Variants in CYFIP2 observed in about 807,000 individuals in gnomAD.
CYFIP2 encodes the protein cytoplasmic FMR1-interacting protein 2.
In CYFIP2, 29 loss-of-function variants were observed where a neutral mutation model predicts 158.7. That is an observed-to-expected ratio of 0.18 (90% CI 0.14 to 0.25). The LOEUF (loss-of-function observed/expected upper bound fraction) is 0.25. Among genes scored for constraint, CYFIP2 ranks in the 10% least tolerant of loss-of-function variants. CYFIP2 has a pLI of 1.00. For missense variants in CYFIP2, 852 were observed against 1,639.5 expected (o/e 0.52, Z 8.29); for synonymous variants, 585 against 617.6 (o/e 0.95, Z 0.78).
rs555765528 is a variant in CYFIP2 at position 157,376,686 on chromosome 5, T to G, written c.3040-5904T>G. ...CTTTGTGCTGTTTTTCTCTTGGGTC[T>G]CATATAGTCAGAGGAACTGAAGTCT... On this transcript the variant is annotated intron_variant, in intron 26 of 30. Coordinates refer to ENST00000620254, the MANE Select transcript of CYFIP2 (RefSeq NM_001037333.3). 2.9e-5 allele frequency: 6 copies of G among 205,078 alleles called. No homozygotes were observed. In the South Asian group the frequency reaches 3.8e-4, roughly 13 times the overall value. 12.7% of individuals were successfully genotyped at this position (205,078 alleles called of 1,614,324 possible). A position where few individuals can be genotyped will look rare whatever the true frequency, so the allele number is the denominator to read the frequency against.
chr5:157,291,579 A>G (rs1449848755), intron 3 of CYFIP2, among the ~76,000 whole-genome samples: 1 of 152,258 alleles, frequency 6.6e-6, no homozygotes, highest in African/African-American at 2.4e-5. Flanking sequence ...TGCTACAAGT[A>G]GACACGTGTT....
chr5:157,330,328 G>C (rs546897369), intron 19 of CYFIP2, among the ~76,000 whole-genome samples: 1 of 151,682 alleles, frequency 6.6e-6, no homozygotes, highest in Non-Finnish European at 1.5e-5. Context: ...CTATGCAACT[G>C]TTACCTATTA....
intron 15 of CYFIP2, among the ~76,000 whole-genome samples, chr5:157,322,635 G>C (rs1760691887): frequency 6.6e-6 from 1 of 152,202 alleles, no homozygotes; most frequent in South Asian, 2.1e-4. Flanking sequence ...GGCCACTGTG[G>C]CTGCTTTCCC....
intron 21 of CYFIP2, among the ~76,000 whole-genome samples, chr5:157,337,354 C>A (rs1280182497): frequency 6.6e-6 from 1 of 152,178 alleles, no homozygotes; most frequent in Non-Finnish European, 1.5e-5. Context: ...ACTAATCCCC[C>A]ACTCCAACAT....
chr5:157,319,498 A>G (rs1443149214), intron 13 of CYFIP2, among the ~76,000 whole-genome samples: 1 of 152,182 alleles, frequency 6.6e-6, no homozygotes, highest in East Asian at 1.9e-4. Context: ...GAGGATGAAA[A>G]TCAGTTGCAT....
Position 157,330,731 on chromosome 5 carries a change from A to G in CYFIP2, c.2157-11A>G, listed in dbSNP as rs73815838. On this transcript the variant is annotated splice_polypyrimidine_tract_variant and intron_variant, in intron 19 of 30. Transcript: ENST00000620254. Reference sequence around the variant, plus strand: ...TGTTTACTGGCCTTGTTTCACTTTTATTCCTTGCAGTGTCCTGTTGGATAA... The same window carrying G: ...TGTTTACTGGCCTTGTTTCACTTTTGTTCCTTGCAGTGTCCTGTTGGATAA... The G allele has an allele frequency of 3.0e-4, 479 of 1,611,770 alleles. No homozygotes were observed. In the African/African-American group the frequency reaches 5.5e-3, roughly 18 times the overall value.
At chr5:157,390,499 T>C in intron 29 of CYFIP2, 22 bp from the exon 30 acceptor site, 2 of 1,368,404 alleles carry the variant, frequency 1.5e-6, no homozygotes, top group Non-Finnish European at 2.0e-6. Context: ...TCACTCCAGC[T>C]GCTTCCTCCC....
intron 23 of CYFIP2, among the ~76,000 whole-genome samples, chr5:157,356,419 A>G (rs2113339796): frequency 6.6e-6 from 1 of 152,336 alleles, no homozygotes; most frequent in East Asian, 1.9e-4. Context: ...TTTGTTCGTG[A>G]TTAAGATTCC....
intron 3 of CYFIP2, among the ~76,000 whole-genome samples, chr5:157,289,657 G>A (rs1345603655): frequency 6.6e-6 from 1 of 152,056 alleles, no homozygotes; most frequent in East Asian, 1.9e-4. Flanking sequence ...TTAGATCAGG[G>A]CCCTCTCTAA....
chr5:157,345,856 G>C (rs1170159542), intron 23 of CYFIP2: 1 of 152,328 alleles, frequency 6.6e-6, no homozygotes, highest in Admixed American at 6.5e-5. Flanking sequence ...CTGGTCCCCA[G>C]TGCAGTACTA....
chr5:157,371,896 C>A (rs1765026474), intron 26 of CYFIP2, among the ~76,000 whole-genome samples: 1 of 152,174 alleles, frequency 6.6e-6, no homozygotes, highest in Non-Finnish European at 1.5e-5. Flanking sequence ...TTCTTAATCA[C>A]CTAATGATTA....
chr5:157,332,428 T>C (rs1363342639), intron 20 of CYFIP2, among the ~76,000 whole-genome samples: 1 of 152,212 alleles, frequency 6.6e-6, no homozygotes, highest in East Asian at 1.9e-4. Flanking sequence ...AGAGTTTAAG[T>C]TGCCAAATCA....
At chr5:157,270,973 C>G (rs1756042311) in intron 1 of CYFIP2, among the ~76,000 whole-genome samples, 1 of 152,056 alleles carries the variant, frequency 6.6e-6, no homozygotes, top group African/African-American at 2.4e-5. Context: ...TCTTAGCAAT[C>G]CAAAGAATTA....
intron 26 of CYFIP2, among the ~76,000 whole-genome samples, chr5:157,379,347 C>T (rs965677777): frequency 5.3e-5 from 8 of 151,966 alleles, no homozygotes; most frequent in African/African-American, 1.9e-4. Flanking sequence ...GAGGAAATTA[C>T]CCCATAAATT....
At chr5:157,381,113 G>A (rs1240245702) in intron 26 of CYFIP2, among the ~76,000 whole-genome samples, 4 of 151,854 alleles carry the variant, frequency 2.6e-5, no homozygotes, top group African/African-American at 4.8e-5. Context: ...GAAATAATAC[G>A]GACCTATATA....
intron 15 of CYFIP2, 84 bp downstream of exon 15, chr5:157,320,886 G>T (rs953898066): frequency 1.3e-5 from 18 of 1,428,654 alleles, no homozygotes; most frequent in Non-Finnish European, 1.7e-5. Flanking sequence ...GCCATGGGCA[G>T]TGGGACTGGG....
chr5:157,274,723 C>T (rs1326392417), intron 1 of CYFIP2, among the ~76,000 whole-genome samples: 1 of 152,144 alleles, frequency 6.6e-6, no homozygotes, highest in African/African-American at 2.4e-5. Context: ...ACATCCTTGC[C>T]AACACTTGTT....
rs747475869 is a variant in CYFIP2, at chr5:157,383,338, C to T, written c.3186C>T (p.Ile1062=). The T allele has an allele frequency of 2.2e-5, 36 of 1,613,704 alleles. No individual in the cohort carries two copies. The highest frequency in any genetic ancestry group is 6.6e-5 in the South Asian group (6 of 91,052). ...KYAPLHLVPL[I]ERLGTPQQIA... ...CCCCGCTCCACCTGGTCCCTCTGAT[C>T]GAGCGGCTGGGGACCCCTCAGGTAC... The change falls in exon 28 of 31, where the codon ATC becomes ATT. Residue 1062 remains isoleucine (I), a synonymous_variant. Coordinates refer to ENST00000620254, the MANE Select transcript of CYFIP2 (RefSeq NM_001037333.3).
At chr5:157,359,760 A>C (rs553131326) in intron 24 of CYFIP2, among the ~76,000 whole-genome samples, 3 of 152,272 alleles carry the variant, frequency 2.0e-5, no homozygotes, top group Non-Finnish European at 4.4e-5. Flanking sequence ...ATGAAAGAGA[A>C]AGTAATATAT....
Sources: gnomAD v4.1 joint callset for allele counts (sites outside exome capture counted in the v4.1 genomes callset) on GRCh38, gnomAD v4.1.1 for gene constraint, MANE v1.5 for transcripts, NCBI Gene and HGNC (gene_info 2026-07-23, HGNC 2026-07-21) for gene names.